MGAT1: variants seen among roughly 807,000 people sequenced by gnomAD.
MGAT1 encodes the protein alpha-1,3-mannosyl-glycoprotein 2-beta-N-acetylglucosaminyltransferase.
MGAT1 carries 14 observed loss-of-function variants against 31.7 expected under a neutral mutation model. That is an observed-to-expected ratio of 0.44 (90% CI 0.29 to 0.69). The LOEUF is 0.69. MGAT1 is among the 30% of genes least tolerant of loss of function. The pLI, the probability that MGAT1 is intolerant of heterozygous loss-of-function variation, is 0.12. For synonymous variants in MGAT1, 338 were observed against 276.0 expected, an observed-to-expected ratio of 1.22 and a Z score of -2.23; for missense variants, 557 against 626.0, an observed-to-expected ratio of 0.89 and a Z score of 1.18.
chr5:180,807,006 G>A (rs865923768), upstream of MGAT1, among the ~76,000 whole-genome samples: 21 of 152,338 alleles, frequency 1.4e-4, no homozygotes, highest in African/African-American at 5.1e-4. Context: ...GACCAGAGGA[G>A]AAAGTACAGC....
chr5:180,791,699 G>A lies in MGAT1; in HGVS notation c.1273C>T (p.Arg425Trp), dbSNP rs151044774. 3.0e-5 allele frequency: 48 copies of A among 1,613,886 alleles called. No individual in the cohort carries two copies. Among genetic ancestry groups the A allele is most frequent in the East Asian group, 2.0e-4 (9 of 44,862 alleles). Residue 425 changes from arginine to tryptophan, a missense_variant, in exon 2 of 2, where the codon CGG becomes TGG. Around this residue, in one of 3 missense-constraint regions of MGAT1, gnomAD observed 145 missense variants for 143.2 expected, o/e 1.01. Coordinates refer to ENST00000307826, the MANE Select transcript of MGAT1 (RefSeq NM_002406.4). ...GYRGIVTFQF[R>W]GRRVHLAPPL... Reference sequence around the variant, plus strand: ...GGCGCCAGGTGGACACGGCGGCCCCGGAACTGGAAGGTGACAATACCCCGG... The same window carrying A: ...GGCGCCAGGTGGACACGGCGGCCCCAGAACTGGAAGGTGACAATACCCCGG...
intron 2 of MGAT1, among the ~76,000 whole-genome samples, chr5:180,808,129 G>T (rs977418382): frequency 1.3e-5 from 2 of 152,176 alleles, no homozygotes; most frequent in Non-Finnish European, 2.9e-5. Flanking sequence ...CCTGTGTTCT[G>T]TTCCTCTGCT....
At chr5:180,815,231 G>C (rs945909063) in intron 1 of MGAT1, among the ~76,000 whole-genome samples, 2 of 152,130 alleles carry the variant, frequency 1.3e-5, no homozygotes, top group Admixed American at 6.6e-5. Flanking sequence ...TGGGAATAGA[G>C]CCTTCATGAT....
intron 1 of MGAT1, among the ~76,000 whole-genome samples, chr5:180,801,346 CTTAAAG>C (rs1770723836): frequency 1.3e-5 from 2 of 152,198 alleles, no homozygotes; most frequent in Non-Finnish European, 2.9e-5. Context: ...CTCTGCTTTG[CTTAAAG>C]TTAAAAAGCA....
chr5:180,792,164 G>C lies in MGAT1; in HGVS notation c.808C>G (p.Leu270Val). ...RTDFFPGLGWLLLAELWAELE... is the reference protein window; with the variant it reads ...RTDFFPGLGWVLLAELWAELE... ...TCAGCCCAGAGCTCGGCCAACAGCA[G>C]CCAGCCCAGGCCAGGGAAAAAGTCG... Residue 270 changes from leucine to valine, a missense_variant, in exon 2 of 2, where the codon CTG (leucine) becomes GTG (valine). By Grantham distance (32) the Leu-to-Val change is conservative. Transcript: ENST00000307826. 6.2e-7 allele frequency: 1 copy of C among 1,613,054 alleles called. No individual in the cohort carries two copies. The highest frequency in any genetic ancestry group is 1.3e-5 in the African/African-American group (1 of 75,060).
In MGAT1 at chr5:180,788,277, T is replaced by C. The variant is rs1175182209; in HGVS notation, c.*3357A>G. 1 of 152,302 alleles carries C rather than the reference T, an allele frequency of 6.6e-6. No individual in the cohort carries two copies. The highest frequency in any genetic ancestry group is 1.9e-4 in the East Asian group (1 of 5,198). The allele number at this position is 152,302 out of a possible 1,614,324, so 9.4% of individuals were successfully genotyped here. A position where few individuals can be genotyped will look rare whatever the true frequency, so the allele number is the denominator to read the frequency against. On this transcript the variant is annotated 3_prime_UTR_variant, in exon 2 of 2. Coordinates refer to ENST00000307826, the MANE Select transcript of MGAT1 (RefSeq NM_002406.4). ...TTGCTTCAGGAGCCTGAGAACCCAG[T>C]CTTTCGTCTTGTAAGGGGGTCCTCT...
rs759450603 is a variant in MGAT1 at position 180,792,132 on chromosome 5, C to T, written c.840G>A (p.Glu280=). 8.7e-6 allele frequency: 14 copies of T among 1,613,172 alleles called. No homozygotes were observed. The highest frequency in any genetic ancestry group is 1.2e-5 in the Non-Finnish European group (14 of 1,179,948). The part of the protein sequence containing the change: ...LLLAELWAEL[E]PKWPKAFWDD... ...CCCAGAAGGCCTTTGGCCACTTGGG[C>T]TCCAGCTCAGCCCAGAGCTCGGCCA... is the stretch of plus-strand genomic sequence containing the variant. Residue 280 remains glutamate, a synonymous_variant, in exon 2 of 2, where the codon GAG becomes GAA. Transcript: ENST00000307826.
At chr5:180,810,902 C>A (rs147634845) in intron 1 of MGAT1, 9,990 of 152,292 alleles carry the variant, frequency 0.066, 477 homozygotes, top group South Asian at 0.18. Flanking sequence ...TGCGGCCGGG[C>A]CCGCCGTCGC....
At chr5:180,810,677 CCT>C (rs200950802) in intron 1 of MGAT1, 15,559 of 124,188 alleles carry the variant, frequency 0.13, 2,037 homozygotes, top group African/African-American at 0.36. Flanking sequence ...TGACCCCCCC[CCT>C]CCGCCCCACG....
At position 180,791,882 on chromosome 5, in the gene MGAT1, C is replaced by G. The variant is rs371940522; in HGVS notation, c.1090G>C (p.Gly364Arg). The G allele has an allele frequency of 1.2e-6, 2 of 1,614,200 alleles. No homozygotes were observed. Among genetic ancestry groups the G allele is most frequent in the Admixed American group, 1.7e-5 (1 of 60,026 alleles). The change falls in exon 2 of 2, where the codon GGT becomes CGT. Residue 364 changes from glycine to arginine, a missense_variant. Around this residue, in one of 3 missense-constraint regions of MGAT1, gnomAD observed 145 missense variants for 143.2 expected, o/e 1.01. Coordinates refer to ENST00000307826, the MANE Select transcript of MGAT1 (RefSeq NM_002406.4). ...YDRDFLARVY[G>R]APQLQVEKVR... Reference sequence around the variant, plus strand: ...TTCTCCACCTGCAGCTGGGGAGCACCGTAGACGCGGGCGAGGAAATCTCGG... The same window carrying G: ...TTCTCCACCTGCAGCTGGGGAGCACGGTAGACGCGGGCGAGGAAATCTCGG...
upstream of MGAT1, among the ~76,000 whole-genome samples, chr5:180,805,245 G>A (rs1314930503): frequency 1.1e-5 from 1 of 89,520 alleles, no homozygotes; most frequent in Non-Finnish European, 2.2e-5. Context: ...TATCCAGGAG[G>A]ATAAACAGTC....
At chr5:180,812,186 A>G (rs1220539382) in intron 1 of MGAT1, among the ~76,000 whole-genome samples, 2 of 152,248 alleles carry the variant, frequency 1.3e-5, no homozygotes, top group East Asian at 3.8e-4. Context: ...TGGCTGGCCC[A>G]TGGTAGCAGC....
intron 1 of MGAT1, among the ~76,000 whole-genome samples, chr5:180,799,573 A>G (rs1354405235): frequency 1.3e-5 from 2 of 152,190 alleles, no homozygotes; most frequent in Non-Finnish European, 2.9e-5. Flanking sequence ...TGTGCCCACC[A>G]CAGTGCTTGG....
At chr5:180,807,293 C>T (rs1771997609), upstream of MGAT1, among the ~76,000 whole-genome samples, 1 of 152,184 alleles carries the variant, frequency 6.6e-6, no homozygotes, top group African/African-American at 2.4e-5. Flanking sequence ...GGCCACCATA[C>T]CCTACTGTCT....
chr5:180,807,235 G>C (rs1373479923), upstream of MGAT1, among the ~76,000 whole-genome samples: 1 of 152,154 alleles, frequency 6.6e-6, no homozygotes, highest in Non-Finnish European at 1.5e-5. Context: ...TACTGAGCTA[G>C]GGAGAGGCAG....
intron 1 of MGAT1, among the ~76,000 whole-genome samples, chr5:180,797,102 G>A (rs987506924): frequency 1.3e-5 from 2 of 152,178 alleles, no homozygotes; most frequent in African/African-American, 2.4e-5. Flanking sequence ...GTGCTGCTCT[G>A]CATGGCTTAG....
intron 1 of MGAT1, among the ~76,000 whole-genome samples, chr5:180,796,190 T>G (rs991903433): frequency 3.9e-5 from 6 of 152,222 alleles, no homozygotes; most frequent in African/African-American, 1.4e-4. Flanking sequence ...CCAGCAGATC[T>G]GGTATAAAAG....
chr5:180,797,468 A>G (rs1769717114), intron 1 of MGAT1, among the ~76,000 whole-genome samples: 1 of 149,110 alleles, frequency 6.7e-6, no homozygotes, highest in African/African-American at 2.5e-5. Context: ...TCCCTGACTC[A>G]TCAATGACCT....
intron 1 of MGAT1, among the ~76,000 whole-genome samples, chr5:180,813,488 T>C (rs1401788860): frequency 2.0e-5 from 3 of 152,262 alleles, no homozygotes; most frequent in African/African-American, 7.2e-5. Flanking sequence ...AGTCTGTTTA[T>C]GTGCTCTTTT....
Sources: allele counts gnomAD v4.1 joint callset (sites outside exome capture counted in the v4.1 genomes callset), GRCh38; gene constraint gnomAD v4.1.1; regional missense constraint gnomAD v4.1.1; transcripts MANE v1.5; gene names NCBI Gene and HGNC (gene_info 2026-07-23, HGNC 2026-07-21).